Variants in XXYLT1 observed in about 807,000 individuals in gnomAD.
XXYLT1 encodes the protein UDP-xylose:alpha-xyloside alpha-1,3-xylosyltransferase.
Under a neutral mutation model 28.9 loss-of-function variants are expected in XXYLT1, and 20 were observed. The observed-to-expected ratio is 0.69, with a 90% CI of 0.49 to 1.00. The LOEUF is 1.00. Among genes scored for constraint, XXYLT1 ranks in the 50% least tolerant of loss-of-function variants. The pLI is 0.00. For missense variants in XXYLT1, 542 were observed against 560.1 expected, an observed-to-expected ratio of 0.97 and a Z score of 0.33; for synonymous variants, 257 against 253.8, an observed-to-expected ratio of 1.01 and a Z score of -0.12.
intron 3 of XXYLT1, among the ~76,000 whole-genome samples, chr3:195,135,276 G>A (rs935085667): frequency 6.6e-6 from 1 of 152,108 alleles, no homozygotes; most frequent in African/African-American, 2.4e-5. Context: ...AATCTATAAT[G>A]GTCTGCTAGA....
chr3:195,142,641 C>T (rs1473022984), intron 3 of XXYLT1, among the ~76,000 whole-genome samples: 1 of 152,220 alleles, frequency 6.6e-6, no homozygotes, highest in African/African-American at 2.4e-5. Context: ...TCAGATGGGC[C>T]ATCAAAGAGG....
chr3:195,194,929 C>T (rs1012979442), intron 2 of XXYLT1, among the ~76,000 whole-genome samples: 1 of 152,056 alleles, frequency 6.6e-6, no homozygotes, highest in Non-Finnish European at 1.5e-5. Context: ...TAACTTCAAA[C>T]AAGCAGAGGA....
chr3:195,235,891 TATAGACATAGACATAGAC>T (rs3988214), intron 1 of XXYLT1, among the ~76,000 whole-genome samples: 8,678 of 144,776 alleles, frequency 0.06, 406 homozygotes, highest in African/African-American at 0.13. Context: ...TCTATAAATA[TATAGACATAGACATAGAC>T]ATAGACATAG....
At chr3:195,223,252 T>A (rs1723909263) in intron 2 of XXYLT1, among the ~76,000 whole-genome samples, 1 of 151,962 alleles carries the variant, frequency 6.6e-6, no homozygotes, top group African/African-American at 2.4e-5. Flanking sequence ...AAGCACATTT[T>A]AAAAATAGTT....
chr3:195,113,938 G>T (rs564545190), intron 3 of XXYLT1, among the ~76,000 whole-genome samples: 20 of 152,324 alleles, frequency 1.3e-4, no homozygotes, highest in Admixed American at 9.2e-4. Context: ...GATGGGTGAA[G>T]AGAAGTCCCT....
At chr3:195,174,317 T>C (rs1721552497) in intron 2 of XXYLT1, among the ~76,000 whole-genome samples, 2 of 152,096 alleles carry the variant, frequency 1.3e-5, no homozygotes, top group African/African-American at 4.8e-5. Flanking sequence ...TTTTTCTTCT[T>C]AGGACTTCCC....
chr3:195,160,490 C>A (rs1720817138), intron 2 of XXYLT1, among the ~76,000 whole-genome samples: 1 of 152,232 alleles, frequency 6.6e-6, no homozygotes, highest in Admixed American at 6.5e-5. Context: ...CGTCCTGAGG[C>A]TGAGGACCTG....
At position 195,121,290 on chromosome 3, in the gene XXYLT1, C is replaced by T. The variant is rs115938579; in HGVS notation, c.785+35159G>A. On this transcript the variant is annotated intron_variant, in intron 3 of 3. Transcript: ENST00000310380. ...GTAGAAATTCAGCCAAGGCCTGCCC[C>T]AGCGTGTGATTCAAAGGACAAGATG... Among the ~76,000 whole-genome samples, 1,290 of 152,314 alleles carry T rather than the reference C, an allele frequency of 8.5e-3. 16 individuals carry two copies. Among genetic ancestry groups the T allele is most frequent in the African/African-American group, 0.03 (1,244 of 41,576 alleles).
At chr3:195,187,984 A>G (rs1302077221) in intron 2 of XXYLT1, among the ~76,000 whole-genome samples, 1 of 152,218 alleles carries the variant, frequency 6.6e-6, no homozygotes, top group African/African-American at 2.4e-5. Context: ...AGCCACTGTG[A>G]TATGAAATCC....
intron 2 of XXYLT1, among the ~76,000 whole-genome samples, chr3:195,170,581 G>A (rs1721357779): frequency 6.6e-6 from 1 of 152,190 alleles, no homozygotes. Context: ...TTCGTTTCCT[G>A]TCATTCATCT....
chr3:195,228,815 CTCT>C (rs1454855477), intron 1 of XXYLT1, among the ~76,000 whole-genome samples: 2 of 145,444 alleles, frequency 1.4e-5, no homozygotes, highest in African/African-American at 2.8e-5. Flanking sequence ...CTATATGTAT[CTCT>C]TTTTTTTTTT....
At chr3:195,200,601 C>T (rs1378244954) in intron 2 of XXYLT1, among the ~76,000 whole-genome samples, 1 of 152,218 alleles carries the variant, frequency 6.6e-6, no homozygotes, top group Non-Finnish European at 1.5e-5. Context: ...CACTGACCTA[C>T]AATCGGTTGA....
chr3:195,155,813 C>T (rs1270204653), intron 3 of XXYLT1, among the ~76,000 whole-genome samples: 1 of 152,214 alleles, frequency 6.6e-6, no homozygotes, highest in Non-Finnish European at 1.5e-5. Flanking sequence ...GTATAGCACT[C>T]AACTGAATGA....
In XXYLT1 at chr3:195,176,527, G is replaced by A. The variant is rs546547916; in HGVS notation, c.653-19946C>T. ...TCAAACACAACAATCTTGCTTGTGC[G>A]CCATCAGTACGTTCCACCCCTCTGA... On this transcript the variant is annotated intron_variant, in intron 2 of 3. Transcript: ENST00000310380. The surrounding 1 kb of genome is among the most constrained non-coding windows in gnomAD (Gnocchi z 4.9). Among the ~76,000 whole-genome samples, 5 of 152,288 alleles carry A rather than the reference G, an allele frequency of 3.3e-5. No homozygotes were observed. Among genetic ancestry groups the A allele is most frequent in the African/African-American group, 7.2e-5 (3 of 41,554 alleles).
rs1715207735 is a variant in XXYLT1 at position 195,077,791 on chromosome 3, C to A, written c.786-7680G>T. ...CTGAGGCCTCCACATGGCACGGCAC[C>A]ACCAGGACCCCAAGGTTGCTGCCCC... On this transcript the variant is annotated intron_variant, in intron 3 of 3. Coordinates refer to ENST00000310380, the MANE Select transcript of XXYLT1 (RefSeq NM_152531.5). This position sits in a 1 kb window ranked among gnomAD's most constrained non-coding sequence, Gnocchi z 4.8. 6.6e-6 allele frequency among the ~76,000 whole-genome samples: 1 copy of A among 152,202 alleles called. No homozygotes were observed. Among genetic ancestry groups the A allele is most frequent in the Non-Finnish European group, 1.5e-5 (1 of 68,030 alleles).
chr3:195,147,386 A>G (rs764442026), intron 3 of XXYLT1, among the ~76,000 whole-genome samples: 5 of 152,180 alleles, frequency 3.3e-5, no homozygotes, highest in Non-Finnish European at 5.9e-5. Context: ...CCTGGCCAAC[A>G]TGATGAAACC....
intron 3 of XXYLT1, among the ~76,000 whole-genome samples, chr3:195,075,903 C>A (rs2642393): frequency 6.6e-6 from 1 of 151,886 alleles, no homozygotes. Flanking sequence ...CTGGGGTTGG[C>A]CCTCAGTGCT....
At chr3:195,126,812 CCTCTGCTCTGA>C (rs1405347403) in intron 3 of XXYLT1, among the ~76,000 whole-genome samples, 1 of 152,198 alleles carries the variant, frequency 6.6e-6, no homozygotes, top group African/African-American at 2.4e-5. Context: ...TCCCAGGGGC[CCTCTGCTCTGA>C]CCTGGCTGCC....
intron 3 of XXYLT1, among the ~76,000 whole-genome samples, chr3:195,143,821 G>GATATAGATATATATAT (rs1719643084): frequency 1.3e-5 from 1 of 74,160 alleles, no homozygotes; most frequent in Non-Finnish European, 2.7e-5. Context: ...TATAGATATA[G>GATATAGATATATATAT]ATATATATAG....
Sources: gnomAD v4.1 joint callset for allele counts (sites outside exome capture counted in the v4.1 genomes callset) on GRCh38, gnomAD v4.1.1 for gene constraint, Gnocchi (gnomAD v3.1) non-coding constraint, MANE v1.5 for transcripts, NCBI Gene and HGNC (gene_info 2026-07-23, HGNC 2026-07-21) for gene names.